Variants in PADI6 observed in about 807,000 individuals in gnomAD.
The protein encoded by PADI6 is inactive protein-arginine deiminase type-6.
In PADI6, 66 loss-of-function variants were observed where a neutral mutation model predicts 78.2. The observed-to-expected ratio is 0.84, with a 90% CI of 0.69 to 1.04. PADI6 has a LOEUF of 1.04. PADI6 is among the 50% of genes least tolerant of loss of function. The probability of loss-of-function intolerance (pLI) is 0.00; values close to 1 mark genes in which losing one functional copy is unlikely to be tolerated. For synonymous variants in PADI6, 397 were observed against 346.9 expected, an observed-to-expected ratio of 1.14 and a Z score of -1.60; for missense variants, 854 against 866.1, an observed-to-expected ratio of 0.99 and a Z score of 0.18.
chr1:17,383,645 C>T (rs892936189), intron 6 of PADI6, among the ~76,000 whole-genome samples: 1 of 152,102 alleles, frequency 6.6e-6, no homozygotes, highest in African/African-American at 2.4e-5. Flanking sequence ...GTCAGGAGTT[C>T]GAGAACAGCC....
At chr1:17,373,777 C>T (rs2074987907) in intron 2 of PADI6, among the ~76,000 whole-genome samples, 2 of 152,158 alleles carry the variant, frequency 1.3e-5, no homozygotes, top group Non-Finnish European at 2.9e-5. Flanking sequence ...CAGGCATGAG[C>T]CACCACACCT....
At chr1:17,396,414 G>A (rs919113504) in intron 13 of PADI6, among the ~76,000 whole-genome samples, 1 of 152,148 alleles carries the variant, frequency 6.6e-6, no homozygotes, top group Non-Finnish European at 1.5e-5. Flanking sequence ...TAGGAACCCA[G>A]AAAGGGGCTG....
At position 17,388,380 on chromosome 1, in the gene PADI6, G is replaced by GA. The variant is rs2075144238; in HGVS notation, c.681dup (p.Asp228ArgfsTer7). ...TGGTCCATCCCTTCTTTCTCTCCTA[G>GA]AAGACAACTCCAGTACCTTTGAGTT... On this transcript the variant is annotated frameshift_variant and splice_region_variant. Coordinates refer to ENST00000619609, the MANE Select transcript of PADI6 (RefSeq NM_207421.4). LOFTEE classifies it high-confidence loss of function. 1.9e-6 allele frequency: 3 copies of GA among 1,608,560 alleles called. No individual in the cohort carries two copies. The highest frequency in any genetic ancestry group is 2.5e-6 in the Non-Finnish European group (3 of 1,177,380).
chr1:17,374,195 C>G (rs12736038), intron 2 of PADI6, among the ~76,000 whole-genome samples: 28,125 of 151,774 alleles, frequency 0.19, 2,760 homozygotes, highest in Middle Eastern at 0.3. Context: ...ACTGGGAGAG[C>G]TCTCCCTCCC....
chr1:17,394,377 G>A lies in PADI6; in HGVS notation c.1260G>A (p.Met420Ile). Residue 420 changes from methionine to isoleucine, a missense_variant, in exon 11 of 16, where the codon ATG becomes ATA. Coordinates refer to ENST00000619609, the MANE Select transcript of PADI6 (RefSeq NM_207421.4). ...VASMDSIGNLMVSPPVKVQGK... is the reference protein window; with the variant it reads ...VASMDSIGNLIVSPPVKVQGK... ...GCATGGATTCCATTGGGAACCTGAT[G>A]GTGTCCCCACCTGTCAAGGTCCAAG... 1 of 1,613,756 alleles carries A rather than the reference G, an allele frequency of 6.2e-7. No individual in the cohort carries two copies. The highest frequency in any genetic ancestry group is 8.5e-7 in the Non-Finnish European group (1 of 1,179,820).
At chr1:17,397,232 A>T in intron 14 of PADI6, 91 bp downstream of exon 14, 1 of 1,411,042 alleles carries the variant, frequency 7.1e-7, no homozygotes, top group East Asian at 2.4e-5. Context: ...CTGAGGGGTG[A>T]AGTGTTGGGC....
chr1:17,387,428 G>A (rs945080477), intron 6 of PADI6, among the ~76,000 whole-genome samples: 4 of 147,506 alleles, frequency 2.7e-5, no homozygotes, highest in Admixed American at 6.8e-5. Context: ...CTGCTCAACA[G>A]AGCAGGACTC....
chr1:17,389,908 T>C (rs2075165764), intron 8 of PADI6, among the ~76,000 whole-genome samples: 1 of 152,164 alleles, frequency 6.6e-6, no homozygotes, highest in African/African-American at 2.4e-5. Flanking sequence ...ACGTTGCCCT[T>C]TATTGCAAAT....
chr1:17,391,571 A>AGG (rs1400376632), intron 8 of PADI6, among the ~76,000 whole-genome samples: 2 of 152,236 alleles, frequency 1.3e-5, no homozygotes, highest in Non-Finnish European at 2.9e-5. Context: ...CCTTCAAGGA[A>AGG]GGGATGGCCA....
intron 2 of PADI6, 83 bp downstream of exon 2, chr1:17,373,316 G>C (rs572820870): frequency 1.3e-6 from 2 of 1,492,638 alleles, no homozygotes; most frequent in Non-Finnish European, 1.8e-6. Flanking sequence ...GGCTGCAGAC[G>C]TGACTCGAGC....
intron 6 of PADI6, among the ~76,000 whole-genome samples, chr1:17,386,895 G>A (rs1364245855): frequency 2.6e-5 from 4 of 152,232 alleles, no homozygotes; most frequent in African/African-American, 7.2e-5. Flanking sequence ...GCACGTTGGA[G>A]GAGCTGGAGA....
Position 17,388,435 on chromosome 1 carries a change from C to G in PADI6, c.734C>G (p.Thr245Ser), listed in dbSNP as rs772208946. 1.9e-6 allele frequency: 3 copies of G among 1,613,804 alleles called. No individual in the cohort carries two copies. Among genetic ancestry groups the G allele is most frequent in the Middle Eastern group, 1.7e-4 (1 of 6,060 alleles). Residue 245 changes from threonine to serine, a missense_variant, in exon 7 of 16, where the codon ACC becomes AGC. Transcript: ENST00000619609. ...CTGGGGCCCGACCAGCACGCCTATA[C>G]CTTGGCCCTCCTCGGGAACCACTTG... Reference protein sequence around the residue: ...LVLGPDQHAYTLALLGNHLKE... With the variant: ...LVLGPDQHAYSLALLGNHLKE...
rs372401801 is a variant in PADI6 at position 17,401,169 on chromosome 1, C to G, written c.1852-36C>G. The G allele has an allele frequency of 1.4e-5, 22 of 1,599,402 alleles. No individual in the cohort carries two copies. The African/African-American group carries it at 2.7e-4, about 20-fold the overall frequency. On this transcript the variant is annotated intron_variant, in intron 15 of 15. Transcript: ENST00000619609. ...GCGGCTGGCTTTCAGGCCTCTGATC[C>G]CTGTCCAGGCCTCACCCACCCTGTC...
intron 5 of PADI6, among the ~76,000 whole-genome samples, chr1:17,381,514 A>G (rs1389023539): frequency 2.0e-5 from 3 of 152,226 alleles, no homozygotes; most frequent in Admixed American, 1.3e-4. Flanking sequence ...ATAGGGGTAT[A>G]TGCGCTGCTT....
At position 17,394,363 on chromosome 1, in the gene PADI6, A is replaced by G; in HGVS notation, c.1246A>G (p.Ile416Val). 1.9e-6 allele frequency: 3 copies of G among 1,613,824 alleles called. No individual in the cohort carries two copies. Among genetic ancestry groups the G allele is most frequent in the Non-Finnish European group, 2.5e-6 (3 of 1,179,818 alleles). Residue 416 changes from isoleucine to valine, a missense_variant, in exon 11 of 16, where the codon ATT becomes GTT. Transcript: ENST00000619609. The stretch of plus-strand genomic sequence containing the variant: ...CCATAAAGTGGCCAGCATGGATTCC[A>G]TTGGGAACCTGATGGTGTCCCCACC... Reference protein sequence around the residue: ...EDHKVASMDSIGNLMVSPPVK... With the variant: ...EDHKVASMDSVGNLMVSPPVK...
chr1:17,378,010 T>C (rs371126315), intron 3 of PADI6, among the ~76,000 whole-genome samples: 44 of 152,354 alleles, frequency 2.9e-4, no homozygotes, highest in African/African-American at 8.9e-4. Flanking sequence ...GTCATCCTGC[T>C]GCTTCTGCTG....
chr1:17,395,437 CAG>C, intron 12 of PADI6, 101 bp from the exon 13 acceptor site: 1 of 1,425,060 alleles, frequency 7.0e-7, no homozygotes. Flanking sequence ...CTTCTGACCT[CAG>C]AGGATCTGCC....
intron 8 of PADI6, among the ~76,000 whole-genome samples, chr1:17,391,905 A>G (rs1287283093): frequency 1.3e-5 from 2 of 152,246 alleles, no homozygotes; most frequent in Non-Finnish European, 2.9e-5. Context: ...TGGCTCTGCC[A>G]TGGGCAAAGC....
At chr1:17,397,716 C>T (rs1322785725) in intron 14 of PADI6, among the ~76,000 whole-genome samples, 2 of 152,140 alleles carry the variant, frequency 1.3e-5, no homozygotes, top group African/African-American at 4.8e-5. Context: ...AGTAAAACAC[C>T]TCTTACATAT....
Sources: gnomAD v4.1 joint callset for allele counts (sites outside exome capture counted in the v4.1 genomes callset) on GRCh38, gnomAD v4.1.1 for gene constraint, MANE v1.5 for transcripts, NCBI Gene and HGNC (gene_info 2026-07-23, HGNC 2026-07-21) for gene names.